Variants in TNS3 observed in about 807,000 individuals in gnomAD.
TNS3 encodes the protein tensin-3.
TNS3 carries 45 observed loss-of-function variants against 140.9 expected under a neutral mutation model. That is an observed-to-expected ratio of 0.32 (90% CI 0.25 to 0.41). The LOEUF is 0.41. Ranked by LOEUF, TNS3 falls within the 10% of genes least tolerant of loss-of-function variation. The probability of loss-of-function intolerance (pLI) is 1.00; values close to 1 mark genes in which losing one functional copy is unlikely to be tolerated. For missense variants in TNS3, 1,716 were observed against 1,906.7 expected (o/e 0.90, Z 1.86); for synonymous variants, 815 against 788.4 (o/e 1.03, Z -0.56).
rs992877355 is a variant in TNS3 at position 47,373,754 on chromosome 7, C to T, written c.1025-4133G>A. On this transcript the variant is annotated intron_variant, in intron 16 of 30. Transcript: ENST00000311160. ...TTGCATTTCTAGCATTAGTGAACAG[C>T]CTCTGACACCCGGTGAATATTGAGT... Among the ~76,000 whole-genome samples the T allele has an allele frequency of 2.6e-5, 4 of 152,354 alleles. No homozygotes were observed. In the South Asian group the frequency reaches 8.3e-4, roughly 32 times the overall value.
intron 16 of TNS3, among the ~76,000 whole-genome samples, chr7:47,377,643 A>G (rs1385902877): frequency 1.3e-5 from 2 of 150,260 alleles, no homozygotes; most frequent in Non-Finnish European, 3.0e-5. Context: ...GACTCACAGC[A>G]GACTAGACCC....
intron 1 of TNS3, among the ~76,000 whole-genome samples, chr7:47,580,733 C>A (rs1426742204): frequency 6.6e-6 from 1 of 151,700 alleles, no homozygotes; most frequent in African/African-American, 2.4e-5. Context: ...AACAAGTAAA[C>A]CTCATTCAAA....
At chr7:47,485,344 C>T (rs1318731977) in intron 3 of TNS3, among the ~76,000 whole-genome samples, 4 of 152,214 alleles carry the variant, frequency 2.6e-5, no homozygotes, top group Non-Finnish European at 4.4e-5. Flanking sequence ...GTAGCCCTCA[C>T]AATAAGGCCA....
chr7:47,455,614 T>G (rs904078652), intron 4 of TNS3, among the ~76,000 whole-genome samples: 9 of 152,090 alleles, frequency 5.9e-5, no homozygotes, highest in Non-Finnish European at 1.3e-4. Context: ...AAGACCAGGA[T>G]GGACTGAAAA....
chr7:47,397,668 T>C (rs1792915270), intron 15 of TNS3, among the ~76,000 whole-genome samples: 1 of 152,194 alleles, frequency 6.6e-6, no homozygotes, highest in Non-Finnish European at 1.5e-5. Context: ...TCAAAACCTC[T>C]GGGATACAGC....
rs114431350 is a variant in TNS3, at chr7:47,283,144, A to G, written c.4097+553T>C. Among the ~76,000 whole-genome samples the G allele has an allele frequency of 5.1e-3, 772 of 152,340 alleles. 8 individuals carry two copies. Among genetic ancestry groups the G allele is most frequent in the African/African-American group, 0.018 (728 of 41,586 alleles). On this transcript the variant is annotated intron_variant, in intron 28 of 30. Coordinates refer to ENST00000311160, the MANE Select transcript of TNS3 (RefSeq NM_022748.12). ...GGCATTCTGGAGGGAGGGAGACAGG[A>G]ACAGCCCTGTGGCTGCTCTGTTCCA...
At chr7:47,502,768 C>G (rs1315357766) in intron 3 of TNS3, among the ~76,000 whole-genome samples, 4 of 152,246 alleles carry the variant, frequency 2.6e-5, no homozygotes, top group Non-Finnish European at 5.9e-5. Flanking sequence ...CTGAGGCCAC[C>G]TGCAGGAGCC....
chr7:47,558,153 G>T (rs1189398007), intron 1 of TNS3, among the ~76,000 whole-genome samples: 1 of 152,108 alleles, frequency 6.6e-6, no homozygotes, highest in Non-Finnish European at 1.5e-5. Context: ...AGGCAAGAAT[G>T]AGGGAGCCCG....
chr7:47,535,193 T>C (rs1799557770), intron 1 of TNS3, among the ~76,000 whole-genome samples: 1 of 152,214 alleles, frequency 6.6e-6, no homozygotes, highest in Non-Finnish European at 1.5e-5. Context: ...CAATTAATAT[T>C]TGTTGACCAA....
chr7:47,564,030 A>G (rs1352248958), intron 1 of TNS3, among the ~76,000 whole-genome samples: 2 of 88,174 alleles, frequency 2.3e-5, no homozygotes, highest in African/African-American at 5.3e-5. Flanking sequence ...CGTCTCTACT[A>G]AAAATACAAA....
intron 1 of TNS3, among the ~76,000 whole-genome samples, chr7:47,558,854 A>G: frequency 6.6e-6 from 1 of 152,156 alleles, no homozygotes; most frequent in Non-Finnish European, 1.5e-5. Flanking sequence ...GTCCAAGGCC[A>G]TGAGCAGGAG....
At chr7:47,289,934 A>C (rs1785606407) in intron 27 of TNS3, among the ~76,000 whole-genome samples, 1 of 152,242 alleles carries the variant, frequency 6.6e-6, no homozygotes, top group Admixed American at 6.5e-5. Context: ...AAAAATAGCA[A>C]ACACAATATT....
intron 20 of TNS3, among the ~76,000 whole-genome samples, chr7:47,321,805 C>T (rs957538861): frequency 1.3e-5 from 2 of 152,188 alleles, no homozygotes; most frequent in Non-Finnish European, 2.9e-5. Flanking sequence ...TTTTACTCTA[C>T]ATTGTTTTCT....
At chr7:47,350,835 T>C (rs922888649) in intron 17 of TNS3, among the ~76,000 whole-genome samples, 1 of 152,240 alleles carries the variant, frequency 6.6e-6, no homozygotes, top group Non-Finnish European at 1.5e-5. Flanking sequence ...GGGCTGTTCA[T>C]GTTGTCATTA....
rs372538551 is a variant in TNS3, at chr7:47,457,706, TC to T, written c.-75-15652del. 5.1e-3 allele frequency among the ~76,000 whole-genome samples: 773 copies of T among 152,288 alleles called. 7 individuals are homozygous for T. The highest frequency in any genetic ancestry group is 0.017 in the African/African-American group (706 of 41,566). Reference sequence around the variant, plus strand: ...CCACTACACACTATGGTGCCCTCCATCCATCTACCACCACTCATCCTTTCTG... The same window carrying T: ...CCACTACACACTATGGTGCCCTCCATCATCTACCACCACTCATCCTTTCTG... On this transcript the variant is annotated intron_variant, in intron 4 of 30. Transcript: ENST00000311160.
intron 4 of TNS3, among the ~76,000 whole-genome samples, chr7:47,477,668 G>A (rs1264023649): frequency 6.6e-6 from 1 of 152,226 alleles, no homozygotes; most frequent in African/African-American, 2.4e-5. Context: ...ACAGGGCACA[G>A]TGACAACCCA....
intron 3 of TNS3, among the ~76,000 whole-genome samples, chr7:47,496,168 A>G (rs1191824336): frequency 6.6e-6 from 1 of 152,196 alleles, no homozygotes; most frequent in Non-Finnish European, 1.5e-5. Context: ...GACTCTGAGC[A>G]GTTCAAAAAC....
intron 4 of TNS3, among the ~76,000 whole-genome samples, chr7:47,446,951 G>GTCTC (rs1240125288): frequency 2.7e-5 from 4 of 149,794 alleles, no homozygotes; most frequent in Non-Finnish European, 6.0e-5. Flanking sequence ...GTCTCCCAGA[G>GTCTC]TGCTGGGATC....
Position 47,506,932 on chromosome 7 carries a change from G to C in TNS3, c.-140C>G, listed in dbSNP as rs547646550. The C allele has an allele frequency of 1.1e-5, 14 of 1,288,398 alleles. No homozygotes were observed. The highest frequency in any genetic ancestry group is 1.4e-5 in the Non-Finnish European group (14 of 988,492). 79.8% of individuals were successfully genotyped at this position (1,288,398 alleles called of 1,614,324 possible). A position where few individuals can be genotyped will look rare whatever the true frequency, so the allele number is the denominator to read the frequency against. ...CTTGGCTTCACATTTCTTGTGGCAGGAATACTTGCAGGCTGGGAAAAAAAA... is the reference window on the plus strand; with the variant it reads ...CTTGGCTTCACATTTCTTGTGGCAGCAATACTTGCAGGCTGGGAAAAAAAA... On this transcript the variant is annotated 5_prime_UTR_variant, in exon 3 of 31. Transcript: ENST00000311160.
Sources: allele counts gnomAD v4.1 joint callset (sites outside exome capture counted in the v4.1 genomes callset), GRCh38; gene constraint gnomAD v4.1.1; transcripts MANE v1.5; gene names NCBI Gene and HGNC (gene_info 2026-07-23, HGNC 2026-07-21).